Variants in NCOR1 observed in about 807,000 individuals in gnomAD.
NCOR1 encodes the protein protein phosphatase 1, regulatory subunit 109.
NCOR1 carries 63 observed loss-of-function variants against 288.1 expected under a neutral mutation model. That is an observed-to-expected ratio of 0.22 (90% confidence interval 0.18 to 0.27). The LOEUF (loss-of-function observed/expected upper bound fraction) is 0.27, where lower values mean the gene tolerates loss of function less well. Among genes scored for constraint, NCOR1 ranks in the 10% least tolerant of loss-of-function variants. NCOR1 has a pLI of 1.00. For synonymous variants in NCOR1, 1,007 were observed against 1,065.9 expected (o/e 0.94, Z 1.08); for missense variants, 2,397 against 3,019.2 (o/e 0.79, Z 4.83).
intron 6 of NCOR1, among the ~76,000 whole-genome samples, chr17:16,156,386 A>C: frequency 6.6e-6 from 1 of 151,540 alleles, no homozygotes; most frequent in East Asian, 1.9e-4. Context: ...CAGTGAGCTG[A>C]GATTGCGCCA....
intron 1 of NCOR1, among the ~76,000 whole-genome samples, chr17:16,197,925 C>T (rs1478667532): frequency 6.6e-6 from 1 of 152,070 alleles, no homozygotes; most frequent in African/African-American, 2.4e-5. Flanking sequence ...AGTTACACTC[C>T]CAGAAGGCAA....
rs141130092 is a variant in NCOR1, at chr17:16,101,670, G to C, written c.2270C>G (p.Thr757Arg). The C allele has an allele frequency of 1.2e-6, 2 of 1,614,196 alleles. No homozygotes were observed. The highest frequency in any genetic ancestry group is 1.7e-6 in the Non-Finnish European group (2 of 1,180,040). The change falls in exon 20 of 46, where the codon ACG (threonine) becomes AGG (arginine). Residue 757 changes from threonine (T) to arginine (R), a missense_variant. Transcript: ENST00000268712. ...TEPAVELEPT[T>R]ETAPSTSPSL... Reference sequence around the variant, plus strand: ...GGGAGATGTACTGGGTGCAGTTTCCGTGGTGGGCTCAAGCTCAACCGCAGG... The same window carrying C: ...GGGAGATGTACTGGGTGCAGTTTCCCTGGTGGGCTCAAGCTCAACCGCAGG...
intron 31 of NCOR1, 29 bp downstream of exon 31, chr17:16,070,136 T>C (rs1196283208): frequency 1.3e-6 from 2 of 1,541,014 alleles, no homozygotes; most frequent in Non-Finnish European, 1.7e-6. Context: ...CAATAAAAAG[T>C]ATCAGACCAA....
chr17:16,069,678 T>C (rs2061524936), intron 31 of NCOR1, among the ~76,000 whole-genome samples: 1 of 152,218 alleles, frequency 6.6e-6, no homozygotes, highest in Non-Finnish European at 1.5e-5. Context: ...TTATTTGATC[T>C]TCATAACAAT....
At chr17:16,057,832 C>A (rs867330036) in intron 39 of NCOR1, 75 bp downstream of exon 39, 3 of 1,483,354 alleles carry the variant, frequency 2.0e-6, no homozygotes, top group South Asian at 2.7e-5. Flanking sequence ...TTATAAATTT[C>A]TTTTTCTATA....
At chr17:16,060,713 A>G (rs545241340) in intron 37 of NCOR1, among the ~76,000 whole-genome samples, 5 of 152,322 alleles carry the variant, frequency 3.3e-5, no homozygotes, top group Admixed American at 3.3e-4. Context: ...TTCAATGGAG[A>G]TAACAGAAAG....
intron 1 of NCOR1, among the ~76,000 whole-genome samples, chr17:16,211,942 T>C (rs535424032): frequency 6.6e-6 from 1 of 151,542 alleles, no homozygotes; most frequent in Admixed American, 6.5e-5. Flanking sequence ...CATGTATACA[T>C]GTATTTTTTG....
chr17:16,074,308 G>A (rs541846289), intron 27 of NCOR1, among the ~76,000 whole-genome samples: 3 of 152,130 alleles, frequency 2.0e-5, no homozygotes, highest in Non-Finnish European at 4.4e-5. Flanking sequence ...TTGAATATGG[G>A]TGAGACTGAA....
At chr17:16,157,858 T>C (rs2080067844) in intron 6 of NCOR1, among the ~76,000 whole-genome samples, 1 of 150,960 alleles carries the variant, frequency 6.6e-6, no homozygotes. Flanking sequence ...ACTACAAAAA[T>C]GATTCATAGA....
At chr17:16,203,040 TACACACACACACAC>T (rs57228948) in intron 1 of NCOR1, among the ~76,000 whole-genome samples, 2 of 146,938 alleles carry the variant, frequency 1.4e-5, no homozygotes, top group Admixed American at 6.8e-5. Flanking sequence ...AGCTGTTCCT[TACACACACACACAC>T]ACACACACAC....
intron 3 of NCOR1, among the ~76,000 whole-genome samples, chr17:16,176,249 C>A (rs1020584837): frequency 6.6e-6 from 1 of 151,938 alleles, no homozygotes; most frequent in African/African-American, 2.4e-5. Context: ...AAAAGAAATT[C>A]TTTCAGGTTT....
At chr17:16,199,217 ACACACAC>A (rs1056808106) in intron 1 of NCOR1, among the ~76,000 whole-genome samples, 7 of 41,028 alleles carry the variant, frequency 1.7e-4, no homozygotes, top group African/African-American at 3.9e-4. Flanking sequence ...AAAAAAAAAA[ACACACAC>A]ACACACACAC....
Position 16,137,329 on chromosome 17 carries a change from T to C in NCOR1, c.1491A>G (p.Lys497=). ...AACACACCTGGTTTCTGCCTCTGCG[T>C]TTCCCATAATTCCTTCTGACGAGGG... ...YKALVRRNYG[K]RRGRNQQIAR... Residue 497 remains lysine, a synonymous_variant, in exon 14 of 46, where the codon AAA becomes AAG. Coordinates refer to ENST00000268712, the MANE Select transcript of NCOR1 (RefSeq NM_006311.4). The C allele has an allele frequency of 6.2e-7, 1 of 1,602,258 alleles. No individual in the cohort carries two copies. Among genetic ancestry groups the C allele is most frequent in the Non-Finnish European group, 8.5e-7 (1 of 1,173,482 alleles).
chr17:16,074,896 C>T (rs2062219860), intron 27 of NCOR1, among the ~76,000 whole-genome samples: 1 of 152,180 alleles, frequency 6.6e-6, no homozygotes. Flanking sequence ...GAGACAGACT[C>T]TCGCTCTGTC....
At chr17:16,038,777 ATG>A (rs1219713898) in intron 44 of NCOR1, among the ~76,000 whole-genome samples, 1 of 149,932 alleles carries the variant, frequency 6.7e-6, no homozygotes, top group East Asian at 2.0e-4. Context: ...GTGTCTGTGT[ATG>A]TATGTATTTT....
At chr17:16,153,043 A>G (rs1284249520) in intron 7 of NCOR1, among the ~76,000 whole-genome samples, 1 of 152,130 alleles carries the variant, frequency 6.6e-6, no homozygotes, top group African/African-American at 2.4e-5. Context: ...AACCATTGTC[A>G]CTATTTTAAC....
intron 21 of NCOR1, among the ~76,000 whole-genome samples, chr17:16,097,570 G>C (rs1018090039): frequency 6.6e-6 from 1 of 152,172 alleles, no homozygotes; most frequent in African/African-American, 2.4e-5. Context: ...TGGTGAACAC[G>C]TGGAGTTGCT....
intron 2 of NCOR1, among the ~76,000 whole-genome samples, chr17:16,190,071 A>C (rs1440128689): frequency 2.6e-5 from 4 of 152,152 alleles, no homozygotes; most frequent in Non-Finnish European, 5.9e-5. Context: ...CTCTATAAAA[A>C]ATGTAAAAAT....
At chr17:16,094,527 G>A (rs1598492187) in intron 21 of NCOR1, among the ~76,000 whole-genome samples, 1 of 152,096 alleles carries the variant, frequency 6.6e-6, no homozygotes, top group Admixed American at 6.5e-5. Context: ...GAGTGTTGGA[G>A]GTGTTCAAAC....
Sources: allele counts gnomAD v4.1 joint callset (sites outside exome capture counted in the v4.1 genomes callset), GRCh38; gene constraint gnomAD v4.1.1; transcripts MANE v1.5; gene names NCBI Gene and HGNC (gene_info 2026-07-23, HGNC 2026-07-21).